The following CIAO1 variants were observed in gnomAD, a reference collection of about 807,000 sequenced individuals.
The protein encoded by CIAO1 is cytosolic iron-sulfur assembly component 1.
CIAO1 carries 32 observed loss-of-function variants against 43.1 expected under a neutral mutation model. That is an observed-to-expected ratio of 0.74 (90% CI 0.56 to 1.00). The LOEUF is 1.00. Ranked by LOEUF, CIAO1 falls within the 50% of genes least tolerant of loss-of-function variation. The pLI is 0.00. For synonymous variants in CIAO1, 183 were observed against 171.4 expected (o/e 1.07, Z -0.53); for missense variants, 415 against 437.4 (o/e 0.95, Z 0.46).
At chr2:96,266,798 T>C (rs897193450) in intron 1 of CIAO1, among the ~76,000 whole-genome samples, 4 of 152,170 alleles carry the variant, frequency 2.6e-5, no homozygotes, top group African/African-American at 9.7e-5. Flanking sequence ...CCCGAGGGCA[T>C]TGGGGAACCA....
At chr2:96,269,449 T>C in intron 6 of CIAO1, 94 bp downstream of exon 6, 1 of 1,204,740 alleles carries the variant, frequency 8.3e-7, no homozygotes, top group Non-Finnish European at 1.2e-6. Flanking sequence ...CCTGGGGGAG[T>C]GCTTGGGAAT....
rs902289517 is a variant in CIAO1, at chr2:96,273,984, G to A, written c.*2633G>A. 2.0e-5 allele frequency among the ~76,000 whole-genome samples: 3 copies of A among 151,886 alleles called. No individual in the cohort carries two copies. Among genetic ancestry groups the A allele is most frequent in the Admixed American group, 6.6e-5 (1 of 15,242 alleles). On this transcript the variant is annotated 3_prime_UTR_variant, in exon 7 of 7. Coordinates refer to ENST00000488633, the MANE Select transcript of CIAO1 (RefSeq NM_004804.3). ...AGCACTCTGGGAGGCTGAGGTGGGC[G>A]GATCACTTGAGCTCAGGAATTCAAG...
Position 96,266,331 on chromosome 2 carries a change from T to TC in CIAO1, c.-15dup. The TC allele has an allele frequency of 7.2e-7, 1 of 1,380,662 alleles. No homozygotes were observed. The highest frequency in any genetic ancestry group is 9.5e-7 in the Non-Finnish European group (1 of 1,050,280). 85.5% of individuals were successfully genotyped at this position (1,380,662 alleles called of 1,614,324 possible). On this transcript the variant is annotated 5_prime_UTR_variant, in exon 1 of 7. Transcript: ENST00000488633. ...TCAGCGGACTCTGCCCGCCCCCACC[T>TC]CCCCCTGCGTCGGGCCGACATGAAG...
chr2:96,273,489 C>G lies in CIAO1; in HGVS notation c.*2138C>G, dbSNP rs939953625. 6.6e-6 allele frequency: 1 copy of G among 151,960 alleles called. No individual in the cohort carries two copies. The highest frequency in any genetic ancestry group is 1.5e-5 in the Non-Finnish European group (1 of 68,002). The allele number at this position is 151,960 out of a possible 1,614,324, so 9.4% of individuals were successfully genotyped here. ...CCAGCCTGGCCAATATGGTGAAAGTCCGTCTCTACTAAAATTACAAAAATT... is the reference window on the plus strand; with the variant it reads ...CCAGCCTGGCCAATATGGTGAAAGTGCGTCTCTACTAAAATTACAAAAATT... On this transcript the variant is annotated 3_prime_UTR_variant, in exon 7 of 7. Coordinates refer to ENST00000488633, the MANE Select transcript of CIAO1 (RefSeq NM_004804.3).
Position 96,274,139 on chromosome 2 carries a change from A to C in CIAO1, c.*2788A>C, listed in dbSNP as rs1684609537. Among the ~76,000 whole-genome samples the C allele has an allele frequency of 6.6e-6, 1 of 151,332 alleles. No individual in the cohort carries two copies. The highest frequency in any genetic ancestry group is 6.6e-5 in the Admixed American group (1 of 15,102). The stretch of plus-strand genomic sequence containing the variant: ...TGGGGCAACCTCCAGAACTGTGAAA[A>C]ATAAATTTGTTATTTAAAAAGAAAA... On this transcript the variant is annotated 3_prime_UTR_variant, in exon 7 of 7. Transcript: ENST00000488633.
At position 96,271,537 on chromosome 2, in the gene CIAO1, C is replaced by A; in HGVS notation, c.*186C>A. ...TTCCCCGCCTTTGACATGAGGCCTT[C>A]AGTAAAGAGCTACAGAACATGAGTA... is the stretch of plus-strand genomic sequence containing the variant. On this transcript the variant is annotated 3_prime_UTR_variant, in exon 7 of 7. Coordinates refer to ENST00000488633, the MANE Select transcript of CIAO1 (RefSeq NM_004804.3). 2 of 636,794 alleles carry A rather than the reference C, an allele frequency of 3.1e-6. No individual in the cohort carries two copies. Among genetic ancestry groups the A allele is most frequent in the Non-Finnish European group, 2.7e-6 (1 of 374,194 alleles). The allele number at this position is 636,794 out of a possible 1,614,324, so 39.4% of individuals were successfully genotyped here.
Position 96,266,494 on chromosome 2 carries a change from G to A in CIAO1, c.139+5G>A. ...TCCGCATCTGGGGCACGGAGGGTAA[G>A]GCCCAGCCTGGTTGCGCGGCCCTCA... is the stretch of plus-strand genomic sequence containing the variant. On this transcript the variant is annotated splice_donor_5th_base_variant and intron_variant, in intron 1 of 6. Transcript: ENST00000488633. The A allele has an allele frequency of 6.6e-7, 1 of 1,505,436 alleles. No individual in the cohort carries two copies. Among genetic ancestry groups the A allele is most frequent in the Non-Finnish European group, 8.9e-7 (1 of 1,117,700 alleles). The allele number at this position is 1,505,436 out of a possible 1,614,324, so 93.3% of individuals were successfully genotyped here. A position where few individuals can be genotyped will look rare whatever the true frequency, so the allele number is the denominator to read the frequency against.
At chr2:96,271,057 G>C in intron 6 of CIAO1, 54 bp from the exon 7 acceptor site, 1 of 1,606,284 alleles carries the variant, frequency 6.2e-7, no homozygotes, top group Non-Finnish European at 8.5e-7. Flanking sequence ...CTATGGAACA[G>C]GTCTCTCTGG....
Position 96,266,478 on chromosome 2 carries a change from G to T in CIAO1, c.128G>T (p.Trp43Leu). Residue 43 changes from tryptophan to leucine, a missense_variant, in exon 1 of 7, where the codon TGG (tryptophan) becomes TTG (leucine). Transcript: ENST00000488633. ...GGCGGCGACCGGAGAATCCGCATCTGGGGCACGGAGGGTAAGGCCCAGCCT... is the reference window on the plus strand; with the variant it reads ...GGCGGCGACCGGAGAATCCGCATCTTGGGCACGGAGGGTAAGGCCCAGCCT... ...SCGGDRRIRI[W>L]GTEGDSWICK... The T allele has an allele frequency of 6.5e-7, 1 of 1,541,332 alleles. No individual in the cohort carries two copies. The highest frequency in any genetic ancestry group is 1.8e-5 in the Admixed American group (1 of 55,716).
rs749277734 is a variant in CIAO1, at chr2:96,271,160, C to A, written c.829C>A (p.Arg277Ser). 1 of 1,614,220 alleles carries A rather than the reference C, an allele frequency of 6.2e-7. No homozygotes were observed. ...LATACGDDAI[R>S]VFQEDPNSDP... ...CACAGCTTGTGGGGATGACGCGATC[C>A]GCGTGTTTCAGGAGGATCCCAACTC... The change falls in exon 7 of 7, where the codon CGC (arginine) becomes AGC (serine). Residue 277 changes from arginine (R) to serine (S), a missense_variant. Physicochemically the swap from Arg to Ser is moderately radical, Grantham distance 110 (BLOSUM62 -1). Coordinates refer to ENST00000488633, the MANE Select transcript of CIAO1 (RefSeq NM_004804.3).
In CIAO1 at chr2:96,268,603, T is replaced by C. The variant is rs756030018; in HGVS notation, c.636T>C (p.Cys212=). ...CGAGTGGCCAGCGCCTGGCGTCTTG[T>C]AGTGATGACCGTACTGTGCGTATCT... ...FDPSGQRLAS[C]SDDRTVRIWR... The change falls in exon 5 of 7, where the codon TGT becomes TGC. Residue 212 remains cysteine, a synonymous_variant. Coordinates refer to ENST00000488633, the MANE Select transcript of CIAO1 (RefSeq NM_004804.3). 6.2e-7 allele frequency: 1 copy of C among 1,614,214 alleles called. No individual in the cohort carries two copies. Among genetic ancestry groups the C allele is most frequent in the Non-Finnish European group, 8.5e-7 (1 of 1,180,044 alleles).
At position 96,268,535 on chromosome 2, in the gene CIAO1, C is replaced by T. The variant is rs1684480864; in HGVS notation, c.568C>T (p.Leu190Phe). ...GGATGACTGGGTATGCTGTGCCACC[C>T]TTGAGGGCCATGAATCCACTGTGTG... is the stretch of plus-strand genomic sequence containing the variant. ...EEDDWVCCAT[L>F]EGHESTVWSL... The change falls in exon 5 of 7, where the codon CTT (leucine) becomes TTT (phenylalanine). Residue 190 changes from leucine to phenylalanine, a missense_variant. Leu to Phe is a conservative substitution (Grantham distance 22). Coordinates refer to ENST00000488633, the MANE Select transcript of CIAO1 (RefSeq NM_004804.3). The T allele has an allele frequency of 6.2e-7, 1 of 1,614,084 alleles. No homozygotes were observed. The highest frequency in any genetic ancestry group is 8.5e-7 in the Non-Finnish European group (1 of 1,180,048).
rs185791368 is a variant in CIAO1, at chr2:96,266,342, C to T, written c.-9C>T. On this transcript the variant is annotated 5_prime_UTR_variant, in exon 1 of 7. Coordinates refer to ENST00000488633, the MANE Select transcript of CIAO1 (RefSeq NM_004804.3). Reference sequence around the variant, plus strand: ...TGCCCGCCCCCACCTCCCCCTGCGTCGGGCCGACATGAAGGACTCGCTGGT... The same window carrying T: ...TGCCCGCCCCCACCTCCCCCTGCGTTGGGCCGACATGAAGGACTCGCTGGT... 2,420 of 1,402,626 alleles carry T rather than the reference C, an allele frequency of 1.7e-3. 5 individuals are homozygous for T. Among genetic ancestry groups the T allele is most frequent in the Non-Finnish European group, 1.8e-3 (1,961 of 1,061,098 alleles). 86.9% of individuals were successfully genotyped at this position (1,402,626 alleles called of 1,614,324 possible). A position where few individuals can be genotyped will look rare whatever the true frequency, so the allele number is the denominator to read the frequency against.
chr2:96,269,736 C>A (rs1202737825), intron 6 of CIAO1, among the ~76,000 whole-genome samples: 1 of 152,198 alleles, frequency 6.6e-6, no homozygotes, highest in Admixed American at 6.5e-5. Context: ...CAAGCTCCGT[C>A]TCCCGGGTTC....
chr2:96,267,217 C>T (rs925202330), intron 1 of CIAO1, 104 bp from the exon 2 acceptor site: 2 of 1,226,484 alleles, frequency 1.6e-6, no homozygotes, highest in Non-Finnish European at 2.2e-6. Context: ...AATACACTCC[C>T]TGAGCTTTCC....
At chr2:96,269,889 C>G (rs1489285349) in intron 6 of CIAO1, among the ~76,000 whole-genome samples, 4 of 152,068 alleles carry the variant, frequency 2.6e-5, no homozygotes, top group South Asian at 2.1e-4. Flanking sequence ...TCATGATCCG[C>G]CCACCTTGGC....
chr2:96,266,244 G>C lies in CIAO1; in HGVS notation c.-107G>C. On this transcript the variant is annotated 5_prime_UTR_variant, in exon 1 of 7. Transcript: ENST00000488633. ...TCCTCCGGCGGAAGCGGGAGCCTCTGTCGGCCGCGGAAGCCTGGAGTGGGC... is the reference window on the plus strand; with the variant it reads ...TCCTCCGGCGGAAGCGGGAGCCTCTCTCGGCCGCGGAAGCCTGGAGTGGGC... The C allele has an allele frequency of 8.2e-7, 1 of 1,222,944 alleles. No homozygotes were observed. Among genetic ancestry groups the C allele is most frequent in the Non-Finnish European group, 1.0e-6 (1 of 965,608 alleles). The allele number at this position is 1,222,944 out of a possible 1,614,324, so 75.8% of individuals were successfully genotyped here.
Position 96,272,158 on chromosome 2 carries a change from T to G in CIAO1, c.*807T>G, listed in dbSNP as rs755924228. ...GGGAGTGATCAGGAAGAAGGCTTCC[T>G]AGGGGACTGGCGATTTAAACCAGTT... is the stretch of plus-strand genomic sequence containing the variant. On this transcript the variant is annotated 3_prime_UTR_variant, in exon 7 of 7. Coordinates refer to ENST00000488633, the MANE Select transcript of CIAO1 (RefSeq NM_004804.3). The G allele has an allele frequency of 6.6e-6, 1 of 152,178 alleles. No homozygotes were observed. Among genetic ancestry groups the G allele is most frequent in the Non-Finnish European group, 1.5e-5 (1 of 68,016 alleles). 9.4% of individuals were successfully genotyped at this position (152,178 alleles called of 1,614,324 possible). A position where few individuals can be genotyped will look rare whatever the true frequency, so the allele number is the denominator to read the frequency against.
rs371093340 is a variant in CIAO1 at position 96,267,325 on chromosome 2, C to G, written c.144C>G (p.Asp48Glu). 8.1e-6 allele frequency: 13 copies of G among 1,612,158 alleles called. No homozygotes were observed. Among genetic ancestry groups the G allele is most frequent in the Non-Finnish European group, 1.1e-5 (13 of 1,178,558 alleles). The part of the protein sequence containing the change: ...RRIRIWGTEG[D>E]SWICKSVLSE... ...TGGCCTGCGCTCCGCCTTTAGGTGA[C>G]AGCTGGATCTGCAAGTCTGTCCTTT... is the stretch of plus-strand genomic sequence containing the variant. The change falls in exon 2 of 7, where the codon GAC becomes GAG. Residue 48 changes from aspartate (D) to glutamate (E), a missense_variant. Transcript: ENST00000488633.
Sources: allele counts gnomAD v4.1 joint callset (sites outside exome capture counted in the v4.1 genomes callset), GRCh38; gene constraint gnomAD v4.1.1; transcripts MANE v1.5; gene names NCBI Gene and HGNC (gene_info 2026-07-23, HGNC 2026-07-21).